Variants in TMEM267 observed in about 807,000 individuals in gnomAD.
TMEM267 encodes the protein transmembrane protein 267.
Under a neutral mutation model 19.3 loss-of-function variants are expected in TMEM267, and 20 were observed. The ratio of observed to expected loss-of-function variants is 1.04; its 90% CI spans 0.73 to 1.51. The LOEUF is 1.51. Ranked by LOEUF, TMEM267 falls within the 40% of genes most tolerant of loss-of-function variation. The pLI is 0.00. For synonymous variants in TMEM267, 88 were observed against 90.3 expected, an observed-to-expected ratio of 0.97 and a Z score of 0.15; for missense variants, 242 against 261.9, an observed-to-expected ratio of 0.92 and a Z score of 0.52.
At chr5:43,463,329 G>T (rs1406792415) in intron 1 of TMEM267, among the ~76,000 whole-genome samples, 1 of 152,186 alleles carries the variant, frequency 6.6e-6, no homozygotes, top group Non-Finnish European at 1.5e-5. Context: ...TCCAGGACCA[G>T]ATGTATTCAC....
chr5:43,462,023 G>A (rs1743299779), intron 1 of TMEM267, among the ~76,000 whole-genome samples: 1 of 152,228 alleles, frequency 6.6e-6, no homozygotes, highest in African/African-American at 2.4e-5. Flanking sequence ...ACCCAGCACA[G>A]TCATGGTAGT....
At chr5:43,463,494 A>C (rs1183476728) in intron 1 of TMEM267, among the ~76,000 whole-genome samples, 3 of 152,126 alleles carry the variant, frequency 2.0e-5, no homozygotes, top group African/African-American at 7.2e-5. Flanking sequence ...CAAAAAAGAG[A>C]ATTTTAGACC....
At chr5:43,482,298 T>C (rs1744834199) in intron 1 of TMEM267, among the ~76,000 whole-genome samples, 5 of 151,234 alleles carry the variant, frequency 3.3e-5, no homozygotes, top group Admixed American at 3.3e-4. Context: ...TTGGTGCAGA[T>C]ATTTAACATC....
chr5:43,463,337 C>T (rs1427497852), intron 1 of TMEM267, among the ~76,000 whole-genome samples: 2 of 152,196 alleles, frequency 1.3e-5, no homozygotes, highest in South Asian at 4.1e-4. Flanking sequence ...CAGATGTATT[C>T]ACAGCCGAAT....
At position 43,476,508 on chromosome 5, in the gene TMEM267, C is replaced by CTTTTTTTTT. The variant is rs67848213; in HGVS notation, c.-75+7305_-75+7313dup. Among the ~76,000 whole-genome samples the CTTTTTTTTT allele has an allele frequency of 7.4e-3, 404 of 54,860 alleles. 24 individuals carry two copies. The highest frequency in any genetic ancestry group is 9.2e-3 in the South Asian group (12 of 1,298). 36.0% of individuals were successfully genotyped at this position (54,860 alleles called of 152,430 possible). On this transcript the variant is annotated intron_variant, in intron 1 of 2. Transcript: ENST00000397080. ...ATCCTAACTGATACAAAAGCCAGACCTTTTTTTTTTTTTTTTTTTTTTTTT... is the reference window on the plus strand; with the variant it reads ...ATCCTAACTGATACAAAAGCCAGACCTTTTTTTTTTTTTTTTTTTTTTTTTTTTTTTTTT...
At chr5:43,460,567 C>T (rs1743200609) in intron 1 of TMEM267, among the ~76,000 whole-genome samples, 2 of 151,828 alleles carry the variant, frequency 1.3e-5, no homozygotes, top group South Asian at 2.1e-4. Context: ...AAACAAAACA[C>T]AGAAAAGCAA....
chr5:43,467,146 C>CA (rs70994698), intron 1 of TMEM267, among the ~76,000 whole-genome samples: 6,050 of 48,600 alleles, frequency 0.12, 429 homozygotes, highest in Non-Finnish European at 0.16. Flanking sequence ...GAGACTCTGT[C>CA]AAAAAAAAAA....
chr5:43,464,273 G>C (rs1421510909), intron 1 of TMEM267, among the ~76,000 whole-genome samples: 2 of 151,784 alleles, frequency 1.3e-5, no homozygotes, highest in African/African-American at 4.9e-5. Flanking sequence ...TCTTCAAGGA[G>C]AACTACAAAC....
rs1742898069 is a variant in TMEM267, at chr5:43,455,580, C to G, written c.-74-1537G>C. Among the ~76,000 whole-genome samples, 3 of 152,158 alleles carry G rather than the reference C, an allele frequency of 2.0e-5. No individual in the cohort carries two copies. The South Asian group carries it at 6.2e-4, about 32-fold the overall frequency. ...ATTTATTTTTTGAGATGGAGTCTCA[C>G]TCTGTCACCCAGGCTGGAGTGCAGT... On this transcript the variant is annotated intron_variant, in intron 1 of 2. Transcript: ENST00000397080.
chr5:43,480,325 T>G (rs1744681242), intron 1 of TMEM267, among the ~76,000 whole-genome samples: 1 of 152,052 alleles, frequency 6.6e-6, no homozygotes, highest in Admixed American at 6.6e-5. Context: ...TTTCTTTTCT[T>G]TTTTTAGAGA....
rs542216005 is a variant in TMEM267 at position 43,456,205 on chromosome 5, G to T, written c.-74-2162C>A. Among the ~76,000 whole-genome samples, 3 of 152,234 alleles carry T rather than the reference G, an allele frequency of 2.0e-5. No individual in the cohort carries two copies. The South Asian group carries it at 6.2e-4, about 32-fold the overall frequency. ...GGAAGAATATTCTTTTCAACAAATGGTGTGAGAACAAATGGATATCCATAT... is the reference window on the plus strand; with the variant it reads ...GGAAGAATATTCTTTTCAACAAATGTTGTGAGAACAAATGGATATCCATAT... On this transcript the variant is annotated intron_variant, in intron 1 of 2. Transcript: ENST00000397080.
chr5:43,462,227 G>A (rs1164632848), intron 1 of TMEM267, among the ~76,000 whole-genome samples: 2 of 152,192 alleles, frequency 1.3e-5, no homozygotes, highest in Non-Finnish European at 2.9e-5. Flanking sequence ...GCATTACTGG[G>A]CTTGGAGTGC....
intron 1 of TMEM267, among the ~76,000 whole-genome samples, chr5:43,459,705 A>C (rs536340540): frequency 6.6e-6 from 1 of 152,312 alleles, no homozygotes; most frequent in African/African-American, 2.4e-5. Context: ...CAAAAAATTA[A>C]GTGGTCAATA....
intron 1 of TMEM267, among the ~76,000 whole-genome samples, chr5:43,482,320 C>G (rs994764689): frequency 1.3e-5 from 2 of 151,202 alleles, no homozygotes; most frequent in Non-Finnish European, 3.0e-5. Context: ...GGCTCAGAGT[C>G]TGAGTATTAG....
intron 1 of TMEM267, among the ~76,000 whole-genome samples, chr5:43,475,375 G>A (rs1451795687): frequency 6.6e-6 from 1 of 151,874 alleles, no homozygotes; most frequent in Non-Finnish European, 1.5e-5. Flanking sequence ...GGGCCTATAG[G>A]TGGGTGGGGG....
intron 1 of TMEM267, among the ~76,000 whole-genome samples, chr5:43,458,793 G>A (rs1039346518): frequency 1.3e-5 from 2 of 152,120 alleles, no homozygotes; most frequent in Non-Finnish European, 2.9e-5. Flanking sequence ...AAATGAAAAA[G>A]TTGATTACCC....
In TMEM267 at chr5:43,446,450, T is replaced by A. The variant is rs1742244365; in HGVS notation, c.420A>T (p.Ser140=). 4 of 1,613,712 alleles carry A rather than the reference T, an allele frequency of 2.5e-6. No individual in the cohort carries two copies. Among genetic ancestry groups the A allele is most frequent in the Non-Finnish European group, 3.4e-6 (4 of 1,179,646 alleles). ...ATAACATCCAGGGAAGAAAGCACCA[T>A]GAGTCTTTGAGCTTGAAAAGGTGCA... ...FTMHLFKLKD[S]WCFLPWMLFI... The change falls in exon 3 of 3, where the codon TCA becomes TCT. Residue 140 remains serine (S), a synonymous_variant. Transcript: ENST00000397080.
rs537788461 is a variant in TMEM267 at position 43,476,553 on chromosome 5, A to G, written c.-75+7269T>C. 2.3e-5 allele frequency among the ~76,000 whole-genome samples: 3 copies of G among 130,876 alleles called. No individual in the cohort carries two copies. The Admixed American group carries it at 2.7e-4, about 12-fold the overall frequency. The allele number at this position is 130,876 out of a possible 152,430, so 85.9% of individuals were successfully genotyped here. The stretch of plus-strand genomic sequence containing the variant: ...TTTTTTTTTTGCATAAGAAGACAAC[A>G]CTGATGGTGTTATTCTCTCCAAATT... On this transcript the variant is annotated intron_variant, in intron 1 of 2. Coordinates refer to ENST00000397080, the MANE Select transcript of TMEM267 (RefSeq NM_022483.5).
intron 1 of TMEM267, among the ~76,000 whole-genome samples, chr5:43,465,967 TAAAAAAAAGAAAAG>T (rs1743638721): frequency 1.3e-5 from 2 of 149,028 alleles, no homozygotes; most frequent in Non-Finnish European, 3.0e-5. Flanking sequence ...TAATAAAATT[TAAAAAAAAGAAAAG>T]AAAAAAAAAG....
Sources: allele counts gnomAD v4.1 joint callset (sites outside exome capture counted in the v4.1 genomes callset), GRCh38; gene constraint gnomAD v4.1.1; transcripts MANE v1.5; gene names NCBI Gene and HGNC (gene_info 2026-07-23, HGNC 2026-07-21).